Variants in MCF2L observed in about 807,000 individuals in gnomAD.
The protein encoded by MCF2L is MCF.2 cell line derived transforming sequence like.
MCF2L carries 97 observed loss-of-function variants against 153.4 expected under a neutral mutation model. The ratio of observed to expected loss-of-function variants is 0.63; its 90% CI spans 0.54 to 0.75. MCF2L has a LOEUF of 0.75. Ranked by LOEUF, MCF2L falls within the 30% of genes least tolerant of loss-of-function variation. The pLI is 0.00. For missense variants in MCF2L, 1,347 were observed against 1,495.2 expected, an observed-to-expected ratio of 0.90 and a Z score of 1.64; for synonymous variants, 659 against 632.2, an observed-to-expected ratio of 1.04 and a Z score of -0.64.
At chr13:112,997,077 C>T (rs2083169748) in intron 1 of MCF2L, among the ~76,000 whole-genome samples, 1 of 152,222 alleles carries the variant, frequency 6.6e-6, no homozygotes, top group Non-Finnish European at 1.5e-5. Flanking sequence ...CGGCTGCTTC[C>T]CGTGAACGGA....
At chr13:113,095,040 T>G in intron 27 of MCF2L, 1 of 1,367,850 alleles carries the variant, frequency 7.3e-7, no homozygotes, top group Non-Finnish European at 9.8e-7. Flanking sequence ...CCCACCCCCC[T>G]ACCCTTTATG....
At chr13:112,918,869 T>C (rs1366878529) in intron 2 of MCF2L, among the ~76,000 whole-genome samples, 1 of 152,128 alleles carries the variant, frequency 6.6e-6, no homozygotes. Context: ...GTGCAGGAGC[T>C]GAGGCCCATC....
Position 113,028,900 on chromosome 13 carries a change from T to C in MCF2L, c.278+4142T>C, listed in dbSNP as rs561440900. On this transcript the variant is annotated intron_variant, in intron 3 of 29. Transcript: ENST00000535094. The surrounding 1 kb of genome is among the most constrained non-coding windows in gnomAD (Gnocchi z 5.4). ...TGGGGTATGTGTGGTGTGTGTGTAA[T>C]GTGAGCATGTGGCATGTGTGGGGTA... Among the ~76,000 whole-genome samples the C allele has an allele frequency of 1.3e-4, 20 of 150,442 alleles. No homozygotes were observed. The South Asian group carries it at 4.0e-3, about 30-fold the overall frequency.
Position 113,065,073 on chromosome 13 carries a change from G to A in MCF2L, c.744G>A (p.Lys248=). Residue 248 remains lysine, a synonymous_variant, in exon 7 of 30, where the codon AAG becomes AAA. Transcript: ENST00000535094. ...SSVLCAHTEK[K]DKAKEDLRLA... is the part of the protein sequence containing the mutation. ...TGCTGTGTGCGCACACAGAGAAGAA[G>A]GACAAGGCGAAGGTACATGGGGGGT... The A allele has an allele frequency of 1.2e-6, 2 of 1,606,726 alleles. No individual in the cohort carries two copies. The highest frequency in any genetic ancestry group is 1.7e-6 in the Non-Finnish European group (2 of 1,177,166).
intron 2 of MCF2L, among the ~76,000 whole-genome samples, chr13:113,022,485 G>A (rs9577429): frequency 6.6e-6 from 1 of 151,632 alleles, no homozygotes; most frequent in African/African-American, 2.4e-5. Context: ...AGCTGCCGTC[G>A]GCGTCACTCC....
intron 1 of MCF2L, chr13:112,979,814 G>A: frequency 6.6e-7 from 1 of 1,510,230 alleles, no homozygotes; most frequent in Non-Finnish European, 9.0e-7. Flanking sequence ...CCCTCTGCAG[G>A]TGTCCTCTCT....
At chr13:113,005,260 G>A (rs1015299375) in intron 1 of MCF2L, among the ~76,000 whole-genome samples, 2 of 152,154 alleles carry the variant, frequency 1.3e-5, no homozygotes, top group Admixed American at 1.3e-4. Context: ...AAAACCAGCT[G>A]CAGGCACAGA....
At chr13:113,006,785 G>T (rs551455444) in intron 1 of MCF2L, among the ~76,000 whole-genome samples, 3 of 152,214 alleles carry the variant, frequency 2.0e-5, no homozygotes, top group Admixed American at 1.3e-4. Context: ...ACTTGAGAAC[G>T]CCCCGAGCAT....
chr13:112,986,625 G>T (rs780810621), intron 1 of MCF2L, among the ~76,000 whole-genome samples: 17 of 152,232 alleles, frequency 1.1e-4, no homozygotes, highest in Non-Finnish European at 2.2e-4. Context: ...AGAAACGCAA[G>T]AGCCACGCAA....
rs1009609864 is a variant in MCF2L at position 113,069,972 on chromosome 13, C to T, written c.882-87C>T. On this transcript the variant is annotated intron_variant, in intron 8 of 29. Transcript: ENST00000535094. ...CAGGAAGGCCCGGGGTGGAGATGAGCCTTGGGGTCGCTTGAACACCCACCG... is the reference window on the plus strand; with the variant it reads ...CAGGAAGGCCCGGGGTGGAGATGAGTCTTGGGGTCGCTTGAACACCCACCG... 9 of 842,332 alleles carry T rather than the reference C, an allele frequency of 1.1e-5. No individual in the cohort carries two copies. The African/African-American group carries it at 1.6e-4, about 15-fold the overall frequency. 52.2% of individuals were successfully genotyped at this position (842,332 alleles called of 1,614,324 possible).
intron 1 of MCF2L, among the ~76,000 whole-genome samples, chr13:112,974,514 G>A (rs1303343381): frequency 6.6e-6 from 1 of 152,128 alleles, no homozygotes; most frequent in Non-Finnish European, 1.5e-5. Flanking sequence ...GGATTTTAGG[G>A]GTTCCACTCA....
At chr13:112,921,033 C>T (rs2993336) in intron 2 of MCF2L, among the ~76,000 whole-genome samples, 12,511 of 151,464 alleles carry the variant, frequency 0.083, 641 homozygotes, top group South Asian at 0.14. Flanking sequence ...AAAAATTAGC[C>T]GGGTGTGGTG....
intron 2 of MCF2L, among the ~76,000 whole-genome samples, chr13:112,950,519 C>G (rs1197717922): frequency 1.3e-5 from 2 of 152,130 alleles, no homozygotes; most frequent in Non-Finnish European, 2.9e-5. Context: ...GCAGTGTGGT[C>G]CTGGGCAGAC....
intron 23 of MCF2L, 65 bp downstream of exon 23, chr13:113,087,864 G>T: frequency 7.3e-7 from 1 of 1,369,790 alleles, no homozygotes; most frequent in Non-Finnish European, 1.0e-6. Flanking sequence ...ATGGGAACCA[G>T]TGCAAGGATC....
chr13:113,034,313 T>G (rs2085996065), intron 3 of MCF2L, among the ~76,000 whole-genome samples: 1 of 152,134 alleles, frequency 6.6e-6, no homozygotes, highest in Non-Finnish European at 1.5e-5. Flanking sequence ...ATTTTTGTAT[T>G]TTTTGTAGAG....
intron 3 of MCF2L, chr13:113,044,485 T>C (rs898278032): frequency 2.0e-5 from 14 of 696,758 alleles, no homozygotes; most frequent in Non-Finnish European, 2.4e-5. Context: ...ACCTAGGACA[T>C]GTTCAGAGAC....
At chr13:112,977,129 C>T (rs2082243782) in intron 1 of MCF2L, among the ~76,000 whole-genome samples, 1 of 152,204 alleles carries the variant, frequency 6.6e-6, no homozygotes, top group Admixed American at 6.5e-5. Context: ...AAACAACTCC[C>T]TACTCCACGA....
At chr13:113,033,409 C>T (rs975376396) in intron 3 of MCF2L, among the ~76,000 whole-genome samples, 150 of 61,504 alleles carry the variant, frequency 2.4e-3, no homozygotes, top group Non-Finnish European at 3.3e-3. Context: ...GAGTGGACCC[C>T]GTGGCGTGAG....
At chr13:113,001,036 T>G (rs1327740161) in intron 1 of MCF2L, among the ~76,000 whole-genome samples, 1 of 145,024 alleles carries the variant, frequency 6.9e-6, no homozygotes, top group Non-Finnish European at 1.5e-5. Context: ...GGACAAATGG[T>G]CTCAGGTAAC....
Sources: gnomAD v4.1 joint callset for allele counts (sites outside exome capture counted in the v4.1 genomes callset) on GRCh38, gnomAD v4.1.1 for gene constraint, Gnocchi (gnomAD v3.1) non-coding constraint, MANE v1.5 for transcripts, NCBI Gene and HGNC (gene_info 2026-07-23, HGNC 2026-07-21) for gene names.